The following CAGE1 variants were observed in gnomAD, a reference collection of about 807,000 sequenced individuals.
CAGE1 encodes the protein cancer-associated gene 1 protein.
A neutral mutation model predicts 94.9 loss-of-function variants in CAGE1; 66 were observed. That is an observed-to-expected ratio of 0.70 (90% CI 0.57 to 0.85). The LOEUF is 0.85. CAGE1 is among the 40% of genes least tolerant of loss of function. The pLI is 0.00. For synonymous variants in CAGE1, 319 were observed against 321.0 expected (o/e 0.99, Z 0.07); for missense variants, 865 against 950.4 (o/e 0.91, Z 1.18).
rs545816127 is a variant in CAGE1 at position 7,371,414 on chromosome 6, T to A, written c.1747-1349A>T. ...ATTCACTTGTAAAGAATACTTAAAATGATTACAGATTCATAAAAGAGGGTC... is the reference window on the plus strand; with the variant it reads ...ATTCACTTGTAAAGAATACTTAAAAAGATTACAGATTCATAAAAGAGGGTC... On this transcript the variant is annotated intron_variant, in intron 5 of 13. Transcript: ENST00000502583. Among the ~76,000 whole-genome samples the A allele has an allele frequency of 1.6e-4, 25 of 152,254 alleles. No individual in the cohort carries two copies. The South Asian group carries it at 5.2e-3, about 32-fold the overall frequency.
intron 11 of CAGE1, chr6:7,338,749 C>CTTTTTTTTTTT: frequency 1.6e-6 from 1 of 623,582 alleles, no homozygotes; most frequent in South Asian, 1.8e-5. Flanking sequence ...CTGTATCATT[C>CTTTTTTTTTTT]TTTTTTTTTT....
At chr6:7,356,521 C>A (rs927204041) in intron 9 of CAGE1, among the ~76,000 whole-genome samples, 3 of 152,122 alleles carry the variant, frequency 2.0e-5, no homozygotes, top group African/African-American at 7.2e-5. Flanking sequence ...CTCTCCCTTG[C>A]ATAATTTTCA....
intron 6 of CAGE1, among the ~76,000 whole-genome samples, 183 bp from the exon 7 acceptor site, chr6:7,368,981 T>C (rs960428901): frequency 1.3e-5 from 2 of 151,526 alleles, no homozygotes; most frequent in African/African-American, 4.8e-5. Flanking sequence ...AAAGGGTTAG[T>C]ACAGAAAGAT....
chr6:7,339,285 C>T lies in CAGE1; in HGVS notation c.2370-5195G>A. The T allele has an allele frequency of 3.8e-6, 6 of 1,581,912 alleles. No individual in the cohort carries two copies. Among genetic ancestry groups the T allele is most frequent in the South Asian group, 1.1e-5 (1 of 90,396 alleles). On this transcript the variant is annotated intron_variant, in intron 11 of 13. Transcript: ENST00000502583. The surrounding 1 kb of genome is among the most constrained non-coding windows in gnomAD (Gnocchi z 4.7). ...CTCTGCCTGGGCAATGGCACACAGA[C>T]CCCTAGTGGCCACCTCTTCAGCATA... is the stretch of plus-strand genomic sequence containing the variant.
Position 7,329,720 on chromosome 6 carries a change from G to A in CAGE1, c.2478+129C>T. On this transcript the variant is annotated intron_variant, in intron 13 of 13. Transcript: ENST00000502583. ...ACAGGAGACGGAAGAGCCCTCATCT[G>A]AAGACAGAGGGGAAGGCTAGGTTGC... 1.1e-5 allele frequency: 6 copies of A among 569,200 alleles called. 1 individual carries two copies. In the South Asian group the frequency reaches 1.5e-4, roughly 14 times the overall value. The allele number at this position is 569,200 out of a possible 1,614,324, so 35.3% of individuals were successfully genotyped here. A position where few individuals can be genotyped will look rare whatever the true frequency, so the allele number is the denominator to read the frequency against.
chr6:7,333,642 C>CTATATATATA (rs773887819), intron 12 of CAGE1, among the ~76,000 whole-genome samples: 55 of 121,494 alleles, frequency 4.5e-4, no homozygotes, highest in Non-Finnish European at 8.6e-4. Flanking sequence ...ATCTAACTAT[C>CTATATATATA]TATATATATA....
At chr6:7,369,298 G>A (rs1401474518) in intron 6 of CAGE1, among the ~76,000 whole-genome samples, 1 of 152,092 alleles carries the variant, frequency 6.6e-6, no homozygotes, top group Non-Finnish European at 1.5e-5. Context: ...GTGAGCCACC[G>A]CACCTGGCCG....
chr6:7,349,078 G>A (rs1034108133), intron 11 of CAGE1, among the ~76,000 whole-genome samples: 3 of 152,108 alleles, frequency 2.0e-5, no homozygotes, highest in Admixed American at 1.3e-4. Flanking sequence ...GAAATTCATC[G>A]CAAAAAGATC....
At chr6:7,336,965 A>C (rs931597451) in intron 11 of CAGE1, among the ~76,000 whole-genome samples, 44 of 152,138 alleles carry the variant, frequency 2.9e-4, no homozygotes, top group African/African-American at 1.0e-3. Flanking sequence ...TATTGGATAC[A>C]CGATTTACAA....
In CAGE1 at chr6:7,378,971, G is replaced by A. The variant is rs1234284917; in HGVS notation, c.333C>T (p.Asp111=). The A allele has an allele frequency of 6.4e-7, 1 of 1,566,124 alleles. No homozygotes were observed. The highest frequency in any genetic ancestry group is 1.9e-5 in the Admixed American group (1 of 51,466). ...GTCTCAAGGAAGATATGCTGATGGTGTCAACTGGCTGAATTAGTGCATTCG... is the reference window on the plus strand; with the variant it reads ...GTCTCAAGGAAGATATGCTGATGGTATCAACTGGCTGAATTAGTGCATTCG... ...YSTNALIQPV[D]TISISSLRQF... is the part of the protein sequence containing the mutation. Residue 111 remains aspartate, a synonymous_variant, in exon 4 of 14, where the codon GAC becomes GAT. Transcript: ENST00000502583.
chr6:7,384,334 C>T (rs903461548), intron 3 of CAGE1, among the ~76,000 whole-genome samples: 3 of 152,192 alleles, frequency 2.0e-5, no homozygotes, highest in African/African-American at 4.8e-5. Flanking sequence ...GCCTCGGCAG[C>T]GCTTATTTTT....
At chr6:7,326,993 G>A (rs941617862) in intron 13 of CAGE1, 94 bp from the exon 14 acceptor site, 3 of 833,616 alleles carry the variant, frequency 3.6e-6, no homozygotes, top group Admixed American at 3.7e-5. Context: ...ATTACATATG[G>A]AAAAGGGGTG....
chr6:7,378,795 C>T lies in CAGE1; in HGVS notation c.509G>A (p.Ser170Asn), dbSNP rs774500480. 1.2e-5 allele frequency: 19 copies of T among 1,613,824 alleles called. No individual in the cohort carries two copies. Among genetic ancestry groups the T allele is most frequent in the Middle Eastern group, 1.7e-4 (1 of 6,060 alleles). The change falls in exon 4 of 14, where the codon AGT becomes AAT. Residue 170 changes from serine to asparagine, a missense_variant. Transcript: ENST00000502583. ...SFKEENPMET[S>N]VSANTDQLGN... ...AAGTTGGTCTGTATTTGCAGAAACA[C>T]TAGTTTCCATTGGATTTTCTTCCTT...
chr6:7,328,275 A>T (rs1758601899), intron 13 of CAGE1, among the ~76,000 whole-genome samples: 1 of 152,196 alleles, frequency 6.6e-6, no homozygotes, highest in African/African-American at 2.4e-5. Flanking sequence ...CAATTCCTGT[A>T]CTCAAAGAGT....
In CAGE1 at chr6:7,362,879, TAC is replaced by T. The variant is rs1367538394; in HGVS notation, c.2193+2587_2193+2588del. Among the ~76,000 whole-genome samples, 3 of 152,180 alleles carry T rather than the reference TAC, an allele frequency of 2.0e-5. No homozygotes were observed. ...TTTTATCTTTCTCCAACCCTGCCCC[TAC>T]ACCTACTATGCCACCTTTTTGTTCT... On this transcript the variant is annotated intron_variant, in intron 9 of 13. Coordinates refer to ENST00000502583, the MANE Select transcript of CAGE1 (RefSeq NM_001170692.2). This position sits in a 1 kb window ranked among gnomAD's most constrained non-coding sequence, Gnocchi z 4.1.
rs1761255523 is a variant in CAGE1 at position 7,389,375 on chromosome 6, C to T, written c.-197G>A. On this transcript the variant is annotated 5_prime_UTR_variant, in exon 1 of 14. Coordinates refer to ENST00000502583, the MANE Select transcript of CAGE1 (RefSeq NM_001170692.2). ...TGTGGGAGGGAGAACGCTTTCCAAC[C>T]TCCTCCACCAAGGACTCTCACAAAC... The T allele has an allele frequency of 2.2e-6, 1 of 455,766 alleles. No homozygotes were observed. Among genetic ancestry groups the T allele is most frequent in the South Asian group, 1.5e-5 (1 of 64,546 alleles). The allele number at this position is 455,766 out of a possible 1,614,324, so 28.2% of individuals were successfully genotyped here.
intron 1 of CAGE1, among the ~76,000 whole-genome samples, chr6:7,388,533 A>G (rs3812165): frequency 0.42 from 63,749 of 152,046 alleles, 13,720 homozygotes; most frequent in African/African-American, 0.51. Context: ...AGGGCTTTCC[A>G]ATATCCCCTA....
At chr6:7,386,892 C>T (rs550233975) in intron 2 of CAGE1, 87 bp downstream of exon 2, 1 of 913,530 alleles carries the variant, frequency 1.1e-6, no homozygotes, top group African/African-American at 1.7e-5. Context: ...TTTATTGTTC[C>T]TTATAGTTTT....
At chr6:7,384,810 GCTCAGGTAATT>G (rs1761059943) in intron 3 of CAGE1, among the ~76,000 whole-genome samples, 1 of 151,640 alleles carries the variant, frequency 6.6e-6, no homozygotes, top group African/African-American at 2.4e-5. Flanking sequence ...AGCCTCCCGC[GCTCAGGTAATT>G]CTCCCACCCA....
Sources: gnomAD v4.1 joint callset for allele counts (sites outside exome capture counted in the v4.1 genomes callset) on GRCh38, gnomAD v4.1.1 for gene constraint, Gnocchi (gnomAD v3.1) non-coding constraint, MANE v1.5 for transcripts, NCBI Gene and HGNC (gene_info 2026-07-23, HGNC 2026-07-21) for gene names.